KAT6A: variants seen among roughly 807,000 people sequenced by gnomAD.
KAT6A encodes the protein lysine acetyltransferase 6A.
Under a neutral mutation model 198.4 loss-of-function variants are expected in KAT6A, and 9 were observed. The observed-to-expected ratio is 0.05, with a 90% CI of 0.03 to 0.08. KAT6A has a LOEUF of 0.08. Ranked by LOEUF, KAT6A falls within the 10% of genes least tolerant of loss-of-function variation. The pLI is 1.00. For missense variants in KAT6A, 2,077 were observed against 2,509.9 expected (o/e 0.83, Z 3.69); for synonymous variants, 890 against 883.0 (o/e 1.01, Z -0.14).
chr8:41,979,157 A>C (rs1452120041), intron 5 of KAT6A, among the ~76,000 whole-genome samples: 1 of 151,928 alleles, frequency 6.6e-6, no homozygotes, highest in Non-Finnish European at 1.5e-5. Flanking sequence ...AGTCCCAGCT[A>C]CTCGGGAGGC....
chr8:41,939,849 G>A (rs1587717370), intron 15 of KAT6A, among the ~76,000 whole-genome samples: 2 of 152,056 alleles, frequency 1.3e-5, no homozygotes, highest in East Asian at 3.9e-4. Context: ...AATAAAGTAT[G>A]AACTCTAGTT....
At chr8:42,031,959 T>C (rs1480467916) in intron 2 of KAT6A, among the ~76,000 whole-genome samples, 1 of 150,662 alleles carries the variant, frequency 6.6e-6, no homozygotes, top group African/African-American at 2.4e-5. Flanking sequence ...AGACGGAGTC[T>C]CACTCTATCG....
At chr8:42,023,381 C>T (rs1372644259) in intron 2 of KAT6A, among the ~76,000 whole-genome samples, 1 of 152,134 alleles carries the variant, frequency 6.6e-6, no homozygotes, top group Non-Finnish European at 1.5e-5. Context: ...AACCTTACCA[C>T]AATGTAACTT....
intron 2 of KAT6A, among the ~76,000 whole-genome samples, chr8:41,989,731 T>C (rs892236728): frequency 6.6e-6 from 1 of 152,120 alleles, no homozygotes; most frequent in African/African-American, 2.4e-5. Flanking sequence ...CCATCAGAAT[T>C]GATGAGTTTT....
intron 1 of KAT6A, chr8:42,049,518 G>C (rs1345221569): frequency 6.2e-6 from 1 of 160,918 alleles, no homozygotes; most frequent in East Asian, 1.4e-4. Flanking sequence ...GAGTAATTAG[G>C]ATACAATGAG....
chr8:42,042,403 C>T (rs1324454558), intron 2 of KAT6A, among the ~76,000 whole-genome samples: 1 of 151,076 alleles, frequency 6.6e-6, no homozygotes, highest in Non-Finnish European at 1.5e-5. Flanking sequence ...GGTTGCACCA[C>T]TGCACTCCAG....
chr8:41,951,892 A>G (rs1822684756), intron 9 of KAT6A, among the ~76,000 whole-genome samples: 1 of 152,212 alleles, frequency 6.6e-6, no homozygotes, highest in East Asian at 1.9e-4. Context: ...CAACCTAGAT[A>G]CACATGCTAC....
chr8:42,049,479 G>GA (rs904937881), intron 1 of KAT6A, 177 bp from the exon 2 acceptor site: 43 of 145,808 alleles, frequency 2.9e-4, no homozygotes, highest in Middle Eastern at 2.4e-3. Flanking sequence ...GGATAAAAAA[G>GA]AAAAAAAAAG....
rs147780105 is a variant in KAT6A at position 41,947,368 on chromosome 8, C to T, written c.1902+383G>A. 1.5e-3 allele frequency among the ~76,000 whole-genome samples: 233 copies of T among 152,326 alleles called. 4 individuals carry two copies. The East Asian group carries it at 0.04, about 26-fold the overall frequency. ...GAAGATTAAAAAAGGAGAAAATATC[C>T]TTTAACCAAAATGCCTTCTTACTCT... On this transcript the variant is annotated intron_variant, in intron 11 of 16. Coordinates refer to ENST00000265713, the MANE Select transcript of KAT6A (RefSeq NM_006766.5).
At chr8:41,957,172 T>A (rs1822963966) in intron 8 of KAT6A, 1 of 593,016 alleles carries the variant, frequency 1.7e-6, no homozygotes. Flanking sequence ...TCACCACAAC[T>A]GCGCACGTCT....
intron 2 of KAT6A, among the ~76,000 whole-genome samples, chr8:42,009,894 CAAA>C (rs538642816): frequency 0.012 from 595 of 49,024 alleles, 4 homozygotes; most frequent in African/African-American, 0.047. Context: ...AGCCCTGTCT[CAAA>C]AAAAAAAAAA....
Position 42,049,205 on chromosome 8 carries a change from T to C in KAT6A, c.-228A>G. On this transcript the variant is annotated 5_prime_UTR_variant, in exon 2 of 17. Transcript: ENST00000265713. ...AAATGTCTTCCAACTTCCCAATGAA[T>C]TTCTCAATAGCACCACACATGGGTC... 3.9e-6 allele frequency: 2 copies of C among 510,454 alleles called. No individual in the cohort carries two copies. The highest frequency in any genetic ancestry group is 6.9e-6 in the Non-Finnish European group (2 of 290,918). The allele number at this position is 510,454 out of a possible 1,614,324, so 31.6% of individuals were successfully genotyped here.
Position 41,988,937 on chromosome 8 carries a change from C to T in KAT6A, c.601-1374G>A, listed in dbSNP as rs537581100. Among the ~76,000 whole-genome samples the T allele has an allele frequency of 1.2e-4, 19 of 152,216 alleles. No homozygotes were observed. The South Asian group carries it at 3.9e-3, about 32-fold the overall frequency. On this transcript the variant is annotated intron_variant, in intron 2 of 16. Transcript: ENST00000265713. Reference sequence around the variant, plus strand: ...CATTGGTTCATTGATTTGCTTGCTTCCCCAAGGACAAAGTATCGAGATGCT... The same window carrying T: ...CATTGGTTCATTGATTTGCTTGCTTTCCCAAGGACAAAGTATCGAGATGCT...
At position 41,941,139 on chromosome 8, in the gene KAT6A, A is replaced by C. The variant is rs1173244305; in HGVS notation, c.2742T>G (p.Thr914=). The C allele has an allele frequency of 6.2e-7, 1 of 1,614,064 alleles. No homozygotes were observed. Among genetic ancestry groups the C allele is most frequent in the South Asian group, 1.1e-5 (1 of 91,078 alleles). ...AAGCCACCAGCTGTTCTTCACTTTCAGTGTATTGTTCCTGGGTGGCTTCTG... is the reference window on the plus strand; with the variant it reads ...AAGCCACCAGCTGTTCTTCACTTTCCGTGTATTGTTCCTGGGTGGCTTCTG... ...EKSEATQEQY[T]ESEEQLVASE... is the part of the protein sequence containing the mutation. Residue 914 remains threonine, a synonymous_variant, in exon 15 of 17, where the codon ACT becomes ACG. Transcript: ENST00000265713.
chr8:41,973,052 T>C (rs777735273), intron 8 of KAT6A, among the ~76,000 whole-genome samples: 2 of 152,240 alleles, frequency 1.3e-5, no homozygotes, highest in Middle Eastern at 3.2e-3. Context: ...TCAAAGCCAA[T>C]ATTTTGTTAA....
intron 8 of KAT6A, among the ~76,000 whole-genome samples, chr8:41,973,352 A>G (rs949642561): frequency 1.3e-5 from 2 of 151,700 alleles, no homozygotes; most frequent in Non-Finnish European, 2.9e-5. Flanking sequence ...CAGCCTCCCG[A>G]GTAGCTGGGA....
chr8:42,039,962 T>C (rs1827568137), intron 2 of KAT6A, among the ~76,000 whole-genome samples: 2 of 151,812 alleles, frequency 1.3e-5, no homozygotes, highest in African/African-American at 4.8e-5. Context: ...TTAGCCAGGA[T>C]GGTCTCGATC....
intron 2 of KAT6A, among the ~76,000 whole-genome samples, chr8:42,029,768 T>C (rs1009048975): frequency 6.6e-6 from 1 of 151,980 alleles, no homozygotes; most frequent in Admixed American, 6.6e-5. Flanking sequence ...ACCTCAATTA[T>C]AGCTTTTATT....
intron 1 of KAT6A, among the ~76,000 whole-genome samples, chr8:42,050,036 G>A (rs909491658): frequency 6.7e-6 from 1 of 149,482 alleles, no homozygotes; most frequent in African/African-American, 2.4e-5. Context: ...GCTGAAGAGA[G>A]TCACAACTGT....
Sources: allele counts gnomAD v4.1 joint callset (sites outside exome capture counted in the v4.1 genomes callset), GRCh38; gene constraint gnomAD v4.1.1; transcripts MANE v1.5; gene names NCBI Gene and HGNC (gene_info 2026-07-23, HGNC 2026-07-21).